TDRD3: variants seen among roughly 807,000 people sequenced by gnomAD.
The protein encoded by TDRD3 is tudor domain containing 3.
TDRD3 carries 45 observed loss-of-function variants against 86.7 expected under a neutral mutation model. That is an observed-to-expected ratio of 0.52 (90% confidence interval 0.41 to 0.67). The LOEUF is 0.67. Ranked by LOEUF, TDRD3 falls within the 30% of genes least tolerant of loss-of-function variation. TDRD3 has a pLI of 0.00. For synonymous variants in TDRD3, 298 were observed against 301.7 expected, an observed-to-expected ratio of 0.99 and a Z score of 0.13; for missense variants, 814 against 889.0, an observed-to-expected ratio of 0.92 and a Z score of 1.07.
chr13:60,552,814 G>A (rs1958097208), intron 12 of TDRD3, among the ~76,000 whole-genome samples: 2 of 152,344 alleles, frequency 1.3e-5, no homozygotes, highest in African/African-American at 4.8e-5. Context: ...GCTAAGGCTT[G>A]GGTCTTGCAC....
chr13:60,556,909 A>T (rs939729945), intron 12 of TDRD3, among the ~76,000 whole-genome samples: 1 of 152,200 alleles, frequency 6.6e-6, no homozygotes, highest in Non-Finnish European at 1.5e-5. Flanking sequence ...GAAAATGTAA[A>T]TAGAAGTTCC....
At chr13:60,464,955 C>T (rs553467049) in intron 4 of TDRD3, among the ~76,000 whole-genome samples, 36 of 152,170 alleles carry the variant, frequency 2.4e-4, no homozygotes, top group Non-Finnish European at 4.3e-4. Context: ...ATAATGTTCT[C>T]GCAAAGAAAA....
At chr13:60,418,158 A>G (rs560811259) in intron 1 of TDRD3, among the ~76,000 whole-genome samples, 1 of 152,198 alleles carries the variant, frequency 6.6e-6, no homozygotes. Context: ...CTACCTCTCC[A>G]GCAGTTTATG....
At chr13:60,452,329 A>G (rs1955569346) in intron 3 of TDRD3, among the ~76,000 whole-genome samples, 1 of 152,148 alleles carries the variant, frequency 6.6e-6, no homozygotes, top group South Asian at 2.1e-4. Context: ...TTACTGGTAC[A>G]TGGAAAGGCA....
chr13:60,471,760 T>C (rs1956080212), intron 5 of TDRD3, among the ~76,000 whole-genome samples: 2 of 152,208 alleles, frequency 1.3e-5, no homozygotes, highest in Non-Finnish European at 2.9e-5. Flanking sequence ...AGTTTTTTTT[T>C]CTTTTTAGTG....
intron 12 of TDRD3, among the ~76,000 whole-genome samples, chr13:60,549,031 A>G (rs553772885): frequency 2.6e-5 from 4 of 152,268 alleles, no homozygotes; most frequent in African/African-American, 7.2e-5. Flanking sequence ...TGGATGAACT[A>G]TTATACACCT....
intron 4 of TDRD3, among the ~76,000 whole-genome samples, chr13:60,461,275 A>G (rs1303977504): frequency 6.6e-6 from 1 of 152,130 alleles, no homozygotes; most frequent in Non-Finnish European, 1.5e-5. Flanking sequence ...GATTGAAGTC[A>G]GGGAGGTTTG....
chr13:60,529,041 G>A lies in TDRD3; in HGVS notation c.1816G>A (p.Ala606Thr), dbSNP rs778740818. ...AAGACGAATAGGACCTATTAAGCCAGCAGGACCTGTCACAGCTGTACCCTG... is the reference window on the plus strand; with the variant it reads ...AAGACGAATAGGACCTATTAAGCCAACAGGACCTGTCACAGCTGTACCCTG... ...KGRRIGPIKPAGPVTAVPCDD... is the reference protein window; with the variant it reads ...KGRRIGPIKPTGPVTAVPCDD... The change falls in exon 11 of 14, where the codon GCA (alanine) becomes ACA (threonine). Residue 606 changes from alanine (A) to threonine (T), a missense_variant. Physicochemically the swap from Ala to Thr is moderately conservative, Grantham distance 58. Transcript: ENST00000377881. 2 of 1,614,050 alleles carry A rather than the reference G, an allele frequency of 1.2e-6. No homozygotes were observed. Among genetic ancestry groups the A allele is most frequent in the Non-Finnish European group, 1.7e-6 (2 of 1,179,956 alleles).
intron 1 of TDRD3, among the ~76,000 whole-genome samples, chr13:60,428,995 A>G (rs1954884952): frequency 6.6e-6 from 1 of 152,138 alleles, no homozygotes; most frequent in Admixed American, 6.5e-5. Context: ...AAAATATCTA[A>G]TTTATTTGCA....
intron 11 of TDRD3, among the ~76,000 whole-genome samples, chr13:60,533,783 T>G (rs942497299): frequency 3.3e-5 from 5 of 152,206 alleles, no homozygotes; most frequent in Admixed American, 3.3e-4. Flanking sequence ...GACCTACAAT[T>G]TCTGTCCTGA....
intron 10 of TDRD3, 47 bp downstream of exon 10, chr13:60,510,802 C>CTT (rs370448567): frequency 1.6e-3 from 1,878 of 1,199,792 alleles, no homozygotes; most frequent in South Asian, 1.8e-3. Context: ...TCTTTTCTTT[C>CTT]TTTTTTTTTT....
chr13:60,510,886 T>A (rs1957045496), intron 10 of TDRD3, 131 bp downstream of exon 10: 1 of 880,998 alleles, frequency 1.1e-6, no homozygotes, highest in Admixed American at 3.6e-5. Flanking sequence ...AATATGAACG[T>A]ATATCCTGAG....
intron 12 of TDRD3, among the ~76,000 whole-genome samples, chr13:60,541,746 T>TTTTTTTA (rs1957818133): frequency 7.4e-6 from 1 of 135,920 alleles, no homozygotes; most frequent in Admixed American, 7.4e-5. Flanking sequence ...TTTTTTTTTT[T>TTTTTTTA]GAGACGGAGT....
At chr13:60,567,908 T>C (rs913884629) in intron 13 of TDRD3, among the ~76,000 whole-genome samples, 31 of 135,614 alleles carry the variant, frequency 2.3e-4, no homozygotes, top group Non-Finnish European at 5.1e-4. Context: ...TTTTTTTTTT[T>C]GTATTTTTAG....
At chr13:60,541,508 C>G (rs992605734) in intron 12 of TDRD3, among the ~76,000 whole-genome samples, 4 of 151,822 alleles carry the variant, frequency 2.6e-5, no homozygotes, top group Non-Finnish European at 4.4e-5. Context: ...TGAATAATAC[C>G]AGAAGCTATT....
intron 12 of TDRD3, among the ~76,000 whole-genome samples, chr13:60,562,257 G>A (rs747606287): frequency 1.3e-5 from 2 of 151,886 alleles, no homozygotes; most frequent in Non-Finnish European, 2.9e-5. Flanking sequence ...AGGTTGCAGC[G>A]AGCCAAGATT....
intron 12 of TDRD3, among the ~76,000 whole-genome samples, chr13:60,539,624 TATCA>T (rs1265693313): frequency 6.6e-6 from 1 of 151,882 alleles, no homozygotes; most frequent in Non-Finnish European, 1.5e-5. Flanking sequence ...AATGAAGAGC[TATCA>T]ATCTCAAGTT....
intron 4 of TDRD3, among the ~76,000 whole-genome samples, chr13:60,462,493 T>C (rs1340140792): frequency 6.6e-6 from 1 of 152,148 alleles, no homozygotes; most frequent in Non-Finnish European, 1.5e-5. Context: ...AGGTAAACAA[T>C]TTGGAAGACA....
chr13:60,537,658 T>C (rs1229348335), intron 12 of TDRD3: 2 of 151,988 alleles, frequency 1.3e-5, no homozygotes, highest in Non-Finnish European at 2.9e-5. Context: ...CTAGAAAAAT[T>C]AAAGGGCTGC....
Sources: gnomAD v4.1 joint callset for allele counts (sites outside exome capture counted in the v4.1 genomes callset) on GRCh38, gnomAD v4.1.1 for gene constraint, MANE v1.5 for transcripts, NCBI Gene and HGNC (gene_info 2026-07-23, HGNC 2026-07-21) for gene names.